KRT77: variants seen among roughly 807,000 people sequenced by gnomAD.
KRT77 encodes the protein keratin, type II cytoskeletal 1b.
A neutral mutation model predicts 51.5 loss-of-function variants in KRT77; 44 were observed. That is an observed-to-expected ratio of 0.85 (90% CI 0.67 to 1.10). The LOEUF is 1.10. Among genes scored for constraint, KRT77 ranks in the 50% least tolerant of loss-of-function variants. KRT77 has a pLI of 0.00. For synonymous variants in KRT77, 293 were observed against 302.0 expected (o/e 0.97, Z 0.31); for missense variants, 763 against 743.9 (o/e 1.03, Z -0.30).
intron 1 of KRT77, among the ~76,000 whole-genome samples, chr12:52,698,460 G>T (rs1024930143): frequency 6.6e-6 from 1 of 152,216 alleles, no homozygotes; most frequent in African/African-American, 2.4e-5. Flanking sequence ...AATGCAGACA[G>T]AATTTTTAAG....
chr12:52,696,911 C>G (rs1304182669), intron 2 of KRT77: 1 of 163,462 alleles, frequency 6.1e-6, no homozygotes, highest in Admixed American at 5.7e-5. Flanking sequence ...TGGCACGACA[C>G]AGTAAGCATG....
chr12:52,698,178 T>G (rs1397640691), intron 1 of KRT77: 1 of 1,348,046 alleles, frequency 7.4e-7, no homozygotes, highest in Non-Finnish European at 9.7e-7. Context: ...GCACTCACCC[T>G]CCACACTCAA....
At chr12:52,694,334 CA>C (rs1346105020) in intron 5 of KRT77, among the ~76,000 whole-genome samples, 1 of 152,162 alleles carries the variant, frequency 6.6e-6, no homozygotes, top group Non-Finnish European at 1.5e-5. Context: ...TATGAGTTCT[CA>C]ATAAACATTA....
intron 1 of KRT77, 148 bp from the exon 2 acceptor site, chr12:52,698,044 T>C (rs1205776029): frequency 8.4e-6 from 12 of 1,427,044 alleles, no homozygotes; most frequent in Middle Eastern, 1.8e-4. Flanking sequence ...TTTCTCGGGA[T>C]TGAGACACAC....
At chr12:52,700,522 GA>G (rs376317460) in intron 1 of KRT77, among the ~76,000 whole-genome samples, 6 of 152,200 alleles carry the variant, frequency 3.9e-5, no homozygotes, top group African/African-American at 1.4e-4. Flanking sequence ...CAAAGACCTT[GA>G]GACAGAACTG....
chr12:52,695,209 G>A (rs1592272685), intron 4 of KRT77: 1 of 162,412 alleles, frequency 6.2e-6, no homozygotes, highest in South Asian at 1.9e-4. Context: ...GCTAGGTAAT[G>A]AAGCAAGTAA....
chr12:52,693,727 G>A (rs1167747907), intron 5 of KRT77: 1 of 151,102 alleles, frequency 6.6e-6, no homozygotes, highest in Non-Finnish European at 1.5e-5. Context: ...CAAAGGAGTT[G>A]ATCTAATAAG....
At chr12:52,698,079 C>T in intron 1 of KRT77, 183 bp from the exon 2 acceptor site, 1 of 1,490,606 alleles carries the variant, frequency 6.7e-7, no homozygotes, top group Non-Finnish European at 9.0e-7. Flanking sequence ...TTTCTGACTG[C>T]CAATGGCTGT....
rs114430233 is a variant in KRT77, at chr12:52,691,408, G to A, written c.1494C>T (p.Gly498=). The A allele has an allele frequency of 4.6e-3, 7,427 of 1,597,506 alleles. 298 individuals are homozygous for A. In the African/African-American group the frequency reaches 0.087, roughly 19 times the overall value. Reference sequence around the variant, plus strand: ...CGTAGCTGCCGCCGCCTCCCGCGCCGCCGTTGACGCTCACCTGGCTGTTCT... The same window carrying A: ...CGTAGCTGCCGCCGCCTCCCGCGCCACCGTTGACGCTCACCTGGCTGTTCT... The part of the protein sequence containing the change: ...SVQNSQVSVN[G]GAGGGGSYGS... The change falls in exon 9 of 9, where the codon GGC becomes GGT. Residue 498 remains glycine, a synonymous_variant. Transcript: ENST00000341809.
At chr12:52,691,883 C>G in intron 8 of KRT77, 55 bp downstream of exon 8, 1 of 1,608,526 alleles carries the variant, frequency 6.2e-7, no homozygotes, top group Non-Finnish European at 8.5e-7. Context: ...ACCTCCTGGC[C>G]CTCCCTCCAC....
intron 8 of KRT77, 80 bp from the exon 9 acceptor site, chr12:52,691,519 C>CTCCTCCA (rs1565651630): frequency 9.7e-6 from 14 of 1,440,240 alleles, no homozygotes; most frequent in Non-Finnish European, 1.2e-5. Context: ...CACCTGCAGC[C>CTCCTCCA]TCCTCCATCC....
chr12:52,691,932 A>G lies in KRT77; in HGVS notation c.1462+6T>C. On this transcript the variant is annotated splice_donor_region_variant and intron_variant, in intron 8 of 8. Coordinates refer to ENST00000341809, the MANE Select transcript of KRT77 (RefSeq NM_175078.3). The stretch of plus-strand genomic sequence containing the variant: ...CCTCTCTCTGCCCCTGGGCTCTGCT[A>G]CTTACAGATGCTCACATGGCTCTGC... 1 of 1,613,934 alleles carries G rather than the reference A, an allele frequency of 6.2e-7. No individual in the cohort carries two copies.
chr12:52,692,726 G>A lies in KRT77; in HGVS notation c.1206+29C>T, dbSNP rs780839830. On this transcript the variant is annotated intron_variant, in intron 6 of 8. Transcript: ENST00000341809. ...GGGCATTGTAGGAGGTGCAGGGCTT[G>A]GTCAGCCCTCCCTAAGCACCCGTCC... 5.6e-5 allele frequency: 89 copies of A among 1,601,754 alleles called. 6 individuals are homozygous for A. Among genetic ancestry groups the A allele is most frequent in the Non-Finnish European group, 1.0e-5 (12 of 1,169,892 alleles).
At chr12:52,699,027 C>G (rs1007554200) in intron 1 of KRT77, among the ~76,000 whole-genome samples, 1 of 152,194 alleles carries the variant, frequency 6.6e-6, no homozygotes, top group African/African-American at 2.4e-5. Context: ...GATTCTGACT[C>G]TAGGCTGGAA....
intron 8 of KRT77, 144 bp from the exon 9 acceptor site, chr12:52,691,583 T>C: frequency 1.0e-6 from 1 of 990,028 alleles, no homozygotes; most frequent in South Asian, 1.6e-5. Context: ...ATTGAAAGTG[T>C]TCCTACTTGA....
At chr12:52,692,091 C>A in intron 7 of KRT77, 119 bp from the exon 8 acceptor site, 1 of 1,114,426 alleles carries the variant, frequency 9.0e-7, no homozygotes, top group Non-Finnish European at 1.3e-6. Flanking sequence ...TGTGCATGAG[C>A]AGAGGTCAGG....
chr12:52,691,462 A>T, intron 8 of KRT77, 23 bp from the exon 9 acceptor site: 1 of 1,545,188 alleles, frequency 6.5e-7, no homozygotes, highest in Admixed American at 1.9e-5. Flanking sequence ...GACAGTGCAC[A>T]CGGGGTCAGA....
Position 52,702,952 on chromosome 12 carries a change from C to A in KRT77, c.483G>T (p.Lys161Asn). 2.5e-6 allele frequency: 4 copies of A among 1,614,088 alleles called. No individual in the cohort carries two copies. Among genetic ancestry groups the A allele is most frequent in the Non-Finnish European group, 3.4e-6 (4 of 1,180,040 alleles). The change falls in exon 1 of 9, where the codon AAG becomes AAT. Residue 161 changes from lysine (K) to asparagine (N), a missense_variant. Physicochemically the swap from Lys to Asn is moderately conservative, Grantham distance 94. Transcript: ENST00000341809. ...CCATAATCTGCTCCCGCTCCTGGGTCTTGATCCTCTGAATTTCAGGGTCCA... is the reference window on the plus strand; with the variant it reads ...CCATAATCTGCTCCCGCTCCTGGGTATTGATCCTCTGAATTTCAGGGTCCA... ...LEVDPEIQRI[K>N]TQEREQIMVL...
At chr12:52,691,476 A>G in intron 8 of KRT77, 37 bp from the exon 9 acceptor site, 1 of 1,520,822 alleles carries the variant, frequency 6.6e-7, no homozygotes, top group Non-Finnish European at 8.8e-7. Context: ...GGTCAGAGGG[A>G]CCGGGCAAGG....
Sources: gnomAD v4.1 joint callset for allele counts (sites outside exome capture counted in the v4.1 genomes callset) on GRCh38, gnomAD v4.1.1 for gene constraint, MANE v1.5 for transcripts, NCBI Gene and HGNC (gene_info 2026-07-23, HGNC 2026-07-21) for gene names.